PCDH9: variants seen among roughly 807,000 people sequenced by gnomAD.
PCDH9 encodes protocadherin-9.
A neutral mutation model predicts 70.6 loss-of-function variants in PCDH9; 24 were observed. That is an observed-to-expected ratio of 0.34 (90% CI 0.25 to 0.48). The LOEUF (loss-of-function observed/expected upper bound fraction) is 0.48. PCDH9 is among the 20% of genes least tolerant of loss of function. PCDH9 has a pLI of 0.99. For synonymous variants in PCDH9, 562 were observed against 558.5 expected (o/e 1.01, Z -0.09); for missense variants, 1,281 against 1,503.6 (o/e 0.85, Z 2.45).
intron 2 of PCDH9, among the ~76,000 whole-genome samples, chr13:67,193,490 A>T (rs1453552391): frequency 6.6e-6 from 1 of 152,162 alleles, no homozygotes; most frequent in Non-Finnish European, 1.5e-5. Context: ...AAATAAATTC[A>T]GGAAAGTAAG....
At chr13:66,791,376 T>A (rs1182916740) in intron 3 of PCDH9, among the ~76,000 whole-genome samples, 1 of 152,142 alleles carries the variant, frequency 6.6e-6, no homozygotes, top group Non-Finnish European at 1.5e-5. Context: ...ATTATTATGC[T>A]ATGCTGGTAA....
intron 2 of PCDH9, among the ~76,000 whole-genome samples, chr13:66,983,119 C>T (rs1200273394): frequency 1.3e-5 from 2 of 152,114 alleles, no homozygotes; most frequent in Non-Finnish European, 2.9e-5. Context: ...GGATGCTAAG[C>T]TTAATACTTA....
chr13:66,986,068 C>A (rs2083886060), intron 2 of PCDH9, among the ~76,000 whole-genome samples: 1 of 152,142 alleles, frequency 6.6e-6, no homozygotes, highest in Admixed American at 6.6e-5. Flanking sequence ...TTAAATGACT[C>A]ATAGTTCTGC....
At chr13:67,164,509 G>A (rs2088052711) in intron 2 of PCDH9, among the ~76,000 whole-genome samples, 1 of 150,704 alleles carries the variant, frequency 6.6e-6, no homozygotes, top group South Asian at 2.1e-4. Context: ...GGGAGGCAGA[G>A]GTCGCAGTGA....
intron 4 of PCDH9, among the ~76,000 whole-genome samples, chr13:66,319,441 C>T (rs1299975435): frequency 6.6e-6 from 1 of 150,818 alleles, no homozygotes; most frequent in African/African-American, 2.5e-5. Context: ...TATCAAATCA[C>T]AATGTGAAAG....
intron 2 of PCDH9, among the ~76,000 whole-genome samples, chr13:66,967,388 A>T (rs2083448496): frequency 6.6e-6 from 1 of 152,046 alleles, no homozygotes; most frequent in South Asian, 2.1e-4. Flanking sequence ...ATAAAATTTG[A>T]AAGTTAGTTC....
chr13:66,305,282 T>C (rs539893426), intron 4 of PCDH9, among the ~76,000 whole-genome samples: 6 of 151,932 alleles, frequency 3.9e-5, no homozygotes, highest in Non-Finnish European at 7.4e-5. Context: ...TCCAAAGACA[T>C]AGATAGATAA....
chr13:66,645,929 A>G (rs2077765289), intron 3 of PCDH9, among the ~76,000 whole-genome samples: 1 of 152,194 alleles, frequency 6.6e-6, no homozygotes, highest in Non-Finnish European at 1.5e-5. Context: ...TCTTCCAGTA[A>G]GGGATATAGC....
chr13:66,664,801 T>A (rs774757078), intron 3 of PCDH9, among the ~76,000 whole-genome samples: 1 of 152,094 alleles, frequency 6.6e-6, no homozygotes, highest in African/African-American at 2.4e-5. Context: ...CTTTACCTTT[T>A]GTTTAGGCAC....
At chr13:66,389,569 C>G (rs900115457) in intron 4 of PCDH9, among the ~76,000 whole-genome samples, 1 of 152,150 alleles carries the variant, frequency 6.6e-6, no homozygotes, top group South Asian at 2.1e-4. Context: ...TATATAAATT[C>G]ATTTCAATGG....
intron 4 of PCDH9, among the ~76,000 whole-genome samples, chr13:66,389,088 T>C (rs990239084): frequency 2.6e-5 from 4 of 152,180 alleles, no homozygotes; most frequent in African/African-American, 9.6e-5. Context: ...AAAATCATTG[T>C]AGTAACCAAG....
At chr13:67,145,940 A>G (rs1034022819) in intron 2 of PCDH9, among the ~76,000 whole-genome samples, 2 of 152,152 alleles carry the variant, frequency 1.3e-5, no homozygotes, top group Non-Finnish European at 2.9e-5. Context: ...GAAAGATGAC[A>G]TTATAGGGTC....
At position 67,045,904 on chromosome 13, in the gene PCDH9, T is replaced by C. The variant is rs575546558; in HGVS notation, c.3037-142299A>G. Among the ~76,000 whole-genome samples, 13 of 152,296 alleles carry C rather than the reference T, an allele frequency of 8.5e-5. No homozygotes were observed. The South Asian group carries it at 2.1e-3, about 24-fold the overall frequency. On this transcript the variant is annotated intron_variant, in intron 2 of 4. Coordinates refer to ENST00000377865, the MANE Select transcript of PCDH9 (RefSeq NM_203487.3). ...ACTTTTATGTTCTTTTTAATCCTTATTCTTATTTTTCTCTTTATCCCTTTC... is the reference window on the plus strand; with the variant it reads ...ACTTTTATGTTCTTTTTAATCCTTACTCTTATTTTTCTCTTTATCCCTTTC...
intron 2 of PCDH9, among the ~76,000 whole-genome samples, chr13:67,094,731 T>G (rs2086287223): frequency 6.6e-6 from 1 of 152,070 alleles, no homozygotes; most frequent in African/African-American, 2.4e-5. Context: ...AGAAGTATAA[T>G]GTCAAGCCAG....
intron 2 of PCDH9, among the ~76,000 whole-genome samples, chr13:67,160,104 G>A (rs760168400): frequency 1.9e-4 from 29 of 152,088 alleles, no homozygotes; most frequent in Non-Finnish European, 3.2e-4. Flanking sequence ...GAATTTTTGT[G>A]ATTCATTTCT....
chr13:66,320,186 C>T (rs1955728140), intron 4 of PCDH9, among the ~76,000 whole-genome samples: 1 of 152,022 alleles, frequency 6.6e-6, no homozygotes, highest in African/African-American at 2.4e-5. Context: ...TACAAAATAA[C>T]TAATCTAGTT....
At chr13:66,334,867 T>C (rs1956009485) in intron 4 of PCDH9, among the ~76,000 whole-genome samples, 2 of 152,170 alleles carry the variant, frequency 1.3e-5, no homozygotes, top group Admixed American at 1.3e-4. Context: ...TGTAATTGTA[T>C]ATTACAAGCT....
chr13:66,632,749 C>A (rs1033607169), intron 3 of PCDH9, among the ~76,000 whole-genome samples: 1 of 151,948 alleles, frequency 6.6e-6, no homozygotes, highest in African/African-American at 2.4e-5. Flanking sequence ...AGTACATTTG[C>A]GCTATTTGAA....
In PCDH9 at chr13:67,132,360, G is replaced by A. The variant is rs142757826; in HGVS notation, c.3036+93045C>T. On this transcript the variant is annotated intron_variant, in intron 2 of 4. Transcript: ENST00000377865. ...CCCACCTGCATCTTCCCCCATGCCT[G>A]TTCATCTTCCAGTCCACAATTAAAA... is the stretch of plus-strand genomic sequence containing the variant. 5.2e-3 allele frequency among the ~76,000 whole-genome samples: 796 copies of A among 152,128 alleles called. 5 individuals carry two copies. Among genetic ancestry groups the A allele is most frequent in the African/African-American group, 0.018 (742 of 41,534 alleles).
Sources: gnomAD v4.1 joint callset for allele counts (sites outside exome capture counted in the v4.1 genomes callset) on GRCh38, gnomAD v4.1.1 for gene constraint, MANE v1.5 for transcripts, NCBI Gene and HGNC (gene_info 2026-07-23, HGNC 2026-07-21) for gene names.